KIRREL3: variants seen among roughly 807,000 people sequenced by gnomAD.
KIRREL3 encodes kin of IRRE-like protein 3.
A neutral mutation model predicts 89.7 loss-of-function variants in KIRREL3; 36 were observed. The observed-to-expected ratio is 0.40, with a 90% CI of 0.31 to 0.53. KIRREL3 has a LOEUF of 0.53. Ranked by LOEUF, KIRREL3 falls within the 20% of genes least tolerant of loss-of-function variation. The probability of loss-of-function intolerance (pLI) is 0.49; values close to 1 mark genes in which losing one functional copy is unlikely to be tolerated. For missense variants in KIRREL3, 864 were observed against 1,056.6 expected (o/e 0.82, Z 2.53); for synonymous variants, 445 against 441.4 (o/e 1.01, Z -0.10).
chr11:126,975,091 T>A (rs1949531683), intron 1 of KIRREL3, among the ~76,000 whole-genome samples: 1 of 152,070 alleles, frequency 6.6e-6, no homozygotes, highest in African/African-American at 2.4e-5. Flanking sequence ...ATTACAGGTG[T>A]GAGCCACTGC....
intron 1 of KIRREL3, among the ~76,000 whole-genome samples, chr11:126,851,031 C>G (rs1565351027): frequency 6.6e-6 from 1 of 152,216 alleles, no homozygotes; most frequent in Admixed American, 6.5e-5. Context: ...GTCAGCCCAC[C>G]TGGGTCTCAC....
chr11:126,598,772 C>A (rs113063723), intron 1 of KIRREL3, among the ~76,000 whole-genome samples: 58 of 152,316 alleles, frequency 3.8e-4, no homozygotes, highest in African/African-American at 1.4e-3. Flanking sequence ...GGACTTTGGG[C>A]AAGTCACTTA....
Position 126,436,968 on chromosome 11 carries a change from C to T in KIRREL3, c.1395G>A (p.Ser465=), listed in dbSNP as rs138978113. The change falls in exon 12 of 17, where the codon TCG becomes TCA. Residue 465 remains serine (S), a synonymous_variant. Transcript: ENST00000525144. Reference sequence around the variant, plus strand: ...TGATGGTCTCCACCGTATAGCGCCCCGATGTGCCCGACTCCAGAACGTTCT... The same window carrying T: ...TGATGGTCTCCACCGTATAGCGCCCTGATGTGCCCGACTCCAGAACGTTCT... ...WKENVLESGT[S]GRYTVETIST... 1,147 of 1,584,298 alleles carry T rather than the reference C, an allele frequency of 7.2e-4. No individual in the cohort carries two copies. Among genetic ancestry groups the T allele is most frequent in the Non-Finnish European group, 9.0e-4 (1,045 of 1,160,922 alleles).
chr11:126,604,825 T>A (rs1175096609), intron 1 of KIRREL3, among the ~76,000 whole-genome samples: 1 of 152,184 alleles, frequency 6.6e-6, no homozygotes, highest in Non-Finnish European at 1.5e-5. Context: ...AACGCTAGAC[T>A]CACCCCAGAG....
intron 8 of KIRREL3, among the ~76,000 whole-genome samples, chr11:126,448,792 C>T (rs955978530): frequency 4.6e-5 from 7 of 152,194 alleles, no homozygotes; most frequent in Admixed American, 4.6e-4. Context: ...CGTGTCATAG[C>T]AGCCCCAGCC....
At chr11:126,581,316 C>T (rs1941539689) in intron 1 of KIRREL3, among the ~76,000 whole-genome samples, 2 of 152,194 alleles carry the variant, frequency 1.3e-5, no homozygotes, top group South Asian at 2.1e-4. Flanking sequence ...GATTTTCCCA[C>T]CTCAGCCTCC....
chr11:126,688,475 C>CT (rs1367588844), intron 1 of KIRREL3, among the ~76,000 whole-genome samples: 1 of 152,028 alleles, frequency 6.6e-6, no homozygotes, highest in Non-Finnish European at 1.5e-5. Context: ...TTTCTTTTTT[C>CT]TTTTTTTTCT....
In KIRREL3 at chr11:126,766,466, T is replaced by C. The variant is rs1949827445; in HGVS notation, c.56-203554A>G. Among the ~76,000 whole-genome samples, 1 of 152,194 alleles carries C rather than the reference T, an allele frequency of 6.6e-6. No homozygotes were observed. Among genetic ancestry groups the C allele is most frequent in the Admixed American group, 6.5e-5 (1 of 15,280 alleles). On this transcript the variant is annotated intron_variant, in intron 1 of 16. Transcript: ENST00000525144. The surrounding 1 kb of genome is among the most constrained non-coding windows in gnomAD (Gnocchi z 4.2). Reference sequence around the variant, plus strand: ...CTAGGTATGGCATTGTCCCTTTTCTTTCTCTTTTATTCTATTAAAAAGGTA... The same window carrying C: ...CTAGGTATGGCATTGTCCCTTTTCTCTCTCTTTTATTCTATTAAAAAGGTA...
Position 126,683,344 on chromosome 11 carries a change from G to A in KIRREL3, c.56-120432C>T, listed in dbSNP as rs1946540432. Among the ~76,000 whole-genome samples the A allele has an allele frequency of 6.6e-6, 1 of 152,180 alleles. No individual in the cohort carries two copies. On this transcript the variant is annotated intron_variant, in intron 1 of 16. Transcript: ENST00000525144. This position sits in a 1 kb window ranked among gnomAD's most constrained non-coding sequence, Gnocchi z 5.2. ...GAACGTGTGGATAGTCTGATGGTTT[G>A]CAAGTAAGTGGGATCGACCGTGGGG...
chr11:126,789,513 T>C (rs1950574654), intron 1 of KIRREL3, among the ~76,000 whole-genome samples: 2 of 152,176 alleles, frequency 1.3e-5, no homozygotes, highest in Non-Finnish European at 2.9e-5. Flanking sequence ...ACACATTGCT[T>C]CCACTTCACC....
In KIRREL3 at chr11:127,000,768, T is replaced by G; in HGVS notation, c.-259A>C. ...GTCCCCACTCGGAGAAGATCCATTC[T>G]CTGGCTCTTGGCATCCCAGGCACAC... On this transcript the variant is annotated 5_prime_UTR_variant, in exon 1 of 17. Coordinates refer to ENST00000525144, the MANE Select transcript of KIRREL3 (RefSeq NM_032531.4). This position sits in a 1 kb window ranked among gnomAD's most constrained non-coding sequence, Gnocchi z 7.1. 1 of 501,568 alleles carries G rather than the reference T, an allele frequency of 2.0e-6. No individual in the cohort carries two copies. The highest frequency in any genetic ancestry group is 3.5e-6 in the Non-Finnish European group (1 of 285,588). The allele number at this position is 501,568 out of a possible 1,614,324, so 31.1% of individuals were successfully genotyped here.
rs949392987 is a variant in KIRREL3 at position 126,441,948 on chromosome 11, TTA to T, written c.1253-1401_1253-1400del. Among the ~76,000 whole-genome samples, 14 of 152,126 alleles carry T rather than the reference TTA, an allele frequency of 9.2e-5. No homozygotes were observed. Among genetic ancestry groups the T allele is most frequent in the Non-Finnish European group, 1.8e-4 (12 of 68,004 alleles). Reference sequence around the variant, plus strand: ...TTTAGGAACCGGATGGTGCTTTGTTTTATTGCTGGACTAAAACGTGATGATAA... The same window carrying T: ...TTTAGGAACCGGATGGTGCTTTGTTTTTGCTGGACTAAAACGTGATGATAA... On this transcript the variant is annotated intron_variant, in intron 10 of 16. Coordinates refer to ENST00000525144, the MANE Select transcript of KIRREL3 (RefSeq NM_032531.4). The surrounding 1 kb of genome is among the most constrained non-coding windows in gnomAD (Gnocchi z 5.0).
rs1447902650 is a variant in KIRREL3 at position 126,997,438 on chromosome 11, C to T, written c.55+3017G>A. On this transcript the variant is annotated intron_variant, in intron 1 of 16. Transcript: ENST00000525144. The surrounding 1 kb of genome is among the most constrained non-coding windows in gnomAD (Gnocchi z 4.3). ...CCTTGTTGGGAGCCAGGCCTGGGGA[C>T]TCTGGCGGGGGTGGAATCGGGAGGA... Among the ~76,000 whole-genome samples the T allele has an allele frequency of 8.5e-5, 13 of 152,234 alleles. No homozygotes were observed. The highest frequency in any genetic ancestry group is 6.5e-4 in the Admixed American group (10 of 15,288).
chr11:126,851,429 G>C (rs4937206), intron 1 of KIRREL3, among the ~76,000 whole-genome samples: 129,189 of 152,240 alleles, frequency 0.85, 55,021 homozygotes, highest in East Asian at 1. Context: ...ATATCACCTT[G>C]GTGCTATATG....
intron 1 of KIRREL3, among the ~76,000 whole-genome samples, chr11:126,886,528 T>C (rs996167264): frequency 2.0e-5 from 3 of 152,238 alleles, no homozygotes; most frequent in Admixed American, 2.0e-4. Flanking sequence ...AACACAGCCA[T>C]GTTTTGTGCT....
At position 126,537,824 on chromosome 11, in the gene KIRREL3, G is replaced by A. The variant is rs941933020; in HGVS notation, c.134-11137C>T. Among the ~76,000 whole-genome samples, 27 of 152,244 alleles carry A rather than the reference G, an allele frequency of 1.8e-4. No individual in the cohort carries two copies. The highest frequency in any genetic ancestry group is 5.8e-4 in the African/African-American group (24 of 41,460). On this transcript the variant is annotated intron_variant, in intron 2 of 16. Transcript: ENST00000525144. The surrounding 1 kb of genome is among the most constrained non-coding windows in gnomAD (Gnocchi z 4.3). ...TTCACAAAGGGTCATTCTTACTTTCGTCACTATCCACAAGTCTTTCCTGAG... is the reference window on the plus strand; with the variant it reads ...TTCACAAAGGGTCATTCTTACTTTCATCACTATCCACAAGTCTTTCCTGAG...
chr11:126,548,841 G>A (rs993976939), intron 2 of KIRREL3, among the ~76,000 whole-genome samples: 5 of 152,082 alleles, frequency 3.3e-5, no homozygotes, highest in East Asian at 1.9e-4. Context: ...GGCTCACCAC[G>A]TGGGTGGGTC....
At chr11:126,862,566 G>A (rs1944738692) in intron 1 of KIRREL3, among the ~76,000 whole-genome samples, 1 of 152,150 alleles carries the variant, frequency 6.6e-6, no homozygotes. Flanking sequence ...TCTAGCCCCT[G>A]TCCCTTCTGG....
intron 1 of KIRREL3, among the ~76,000 whole-genome samples, chr11:126,849,770 A>C (rs879632533): frequency 1.3e-4 from 20 of 152,176 alleles, no homozygotes; most frequent in Non-Finnish European, 2.9e-4. Flanking sequence ...GGCAGCACCC[A>C]GGAGTCACAG....
Sources: allele counts gnomAD v4.1 joint callset (sites outside exome capture counted in the v4.1 genomes callset), GRCh38; gene constraint gnomAD v4.1.1; non-coding constraint Gnocchi (gnomAD v3.1); transcripts MANE v1.5; gene names NCBI Gene and HGNC (gene_info 2026-07-23, HGNC 2026-07-21).